The following DIAPH3 variants were observed in gnomAD, a reference collection of about 807,000 sequenced individuals.
DIAPH3 encodes the protein diaphanous related formin 3, also known as protein diaphanous homolog 3.
In DIAPH3, 117 loss-of-function variants were observed where a neutral mutation model predicts 144.3. The ratio of observed to expected loss-of-function variants is 0.81; its 90% CI spans 0.70 to 0.95. The LOEUF (loss-of-function observed/expected upper bound fraction) is 0.95. Among genes scored for constraint, DIAPH3 ranks in the 40% least tolerant of loss-of-function variants. The pLI, the probability that DIAPH3 is intolerant of heterozygous loss-of-function variation, is 0.00. For missense variants in DIAPH3, 1,421 were observed against 1,412.7 expected, an observed-to-expected ratio of 1.01 and a Z score of -0.09; for synonymous variants, 519 against 488.9, an observed-to-expected ratio of 1.06 and a Z score of -0.81.
intron 27 of DIAPH3, among the ~76,000 whole-genome samples, chr13:59,671,736 A>G (rs1024790415): frequency 1.3e-5 from 2 of 152,238 alleles, no homozygotes; most frequent in African/African-American, 2.4e-5. Flanking sequence ...ACTCATTTCA[A>G]TTTAATTCTT....
chr13:60,155,534 T>A (rs1416051566), intron 1 of DIAPH3, among the ~76,000 whole-genome samples: 1 of 152,214 alleles, frequency 6.6e-6, no homozygotes. Context: ...TCAGAGCAAT[T>A]TCTTAGAACA....
chr13:59,960,076 A>C (rs1442403859), intron 17 of DIAPH3, among the ~76,000 whole-genome samples: 1 of 152,134 alleles, frequency 6.6e-6, no homozygotes, highest in Non-Finnish European at 1.5e-5. Flanking sequence ...ATTTATATAC[A>C]CTAATACAGA....
chr13:60,093,401 T>C (rs1468287953), intron 4 of DIAPH3, among the ~76,000 whole-genome samples: 1 of 152,164 alleles, frequency 6.6e-6, no homozygotes, highest in Non-Finnish European at 1.5e-5. Flanking sequence ...CCTCCCAGTG[T>C]TTCTTAGCAA....
chr13:59,784,847 G>A (rs532632676), intron 25 of DIAPH3, among the ~76,000 whole-genome samples: 6 of 150,810 alleles, frequency 4.0e-5, no homozygotes, highest in South Asian at 2.1e-4. Context: ...AACCACACAC[G>A]CGCGCACACA....
intron 27 of DIAPH3, among the ~76,000 whole-genome samples, chr13:59,720,804 T>A: frequency 6.6e-6 from 1 of 152,198 alleles, no homozygotes; most frequent in East Asian, 1.9e-4. Flanking sequence ...TGTAAGCTAG[T>A]AAGCAAACAT....
intron 2 of DIAPH3, among the ~76,000 whole-genome samples, chr13:60,129,432 A>ACC (rs2059080078): frequency 6.6e-6 from 1 of 152,230 alleles, no homozygotes; most frequent in Admixed American, 6.5e-5. Flanking sequence ...ACCCAACAAT[A>ACC]TAGCAATCCT....
chr13:59,840,474 T>A (rs960614914), intron 22 of DIAPH3, among the ~76,000 whole-genome samples: 25 of 152,082 alleles, frequency 1.6e-4, no homozygotes, highest in African/African-American at 5.8e-4. Flanking sequence ...GTTTTTTTTT[T>A]AATTTTAGCT....
At chr13:60,009,208 T>A (rs2053083692) in intron 8 of DIAPH3, among the ~76,000 whole-genome samples, 1 of 152,096 alleles carries the variant, frequency 6.6e-6, no homozygotes, top group Non-Finnish European at 1.5e-5. Context: ...AATATAATAA[T>A]TATGCAAAAA....
intron 25 of DIAPH3, among the ~76,000 whole-genome samples, chr13:59,785,969 A>C (rs554751180): frequency 1.8e-4 from 27 of 152,248 alleles, no homozygotes; most frequent in African/African-American, 6.3e-4. Flanking sequence ...CATCCATCTT[A>C]TACTTAGGAG....
chr13:59,684,970 A>G (rs534750330), intron 27 of DIAPH3, among the ~76,000 whole-genome samples: 41 of 152,110 alleles, frequency 2.7e-4, no homozygotes, highest in Non-Finnish European at 5.0e-4. Context: ...TCCTATGAGA[A>G]TGGCAGCTGT....
At chr13:59,710,181 C>T (rs1404364408) in intron 27 of DIAPH3, among the ~76,000 whole-genome samples, 4 of 150,566 alleles carry the variant, frequency 2.7e-5, no homozygotes, top group Non-Finnish European at 5.9e-5. Context: ...ACCAGCATGG[C>T]ACATGTATAC....
chr13:59,761,705 GT>G (rs1401676113), intron 27 of DIAPH3, among the ~76,000 whole-genome samples: 2 of 152,126 alleles, frequency 1.3e-5, no homozygotes, highest in Non-Finnish European at 2.9e-5. Context: ...GAGCATTTTA[GT>G]TTCTGGATCA....
rs1359676708 is a variant in DIAPH3 at position 59,917,051 on chromosome 13, T to C, written c.2171-802A>G. 9.2e-5 allele frequency among the ~76,000 whole-genome samples: 14 copies of C among 152,334 alleles called. No individual in the cohort carries two copies. The East Asian group carries it at 1.9e-3, about 21-fold the overall frequency. On this transcript the variant is annotated intron_variant, in intron 18 of 27. Coordinates refer to ENST00000400324, the MANE Select transcript of DIAPH3 (RefSeq NM_001042517.2). ...TATGTTTTTACATTCAAGATGTCACTTCTTAACCATACTCAGCACCTGCAA... is the reference window on the plus strand; with the variant it reads ...TATGTTTTTACATTCAAGATGTCACCTCTTAACCATACTCAGCACCTGCAA...
chr13:59,670,038 G>C (rs1011753643), intron 27 of DIAPH3, among the ~76,000 whole-genome samples: 2 of 152,146 alleles, frequency 1.3e-5, no homozygotes, highest in Non-Finnish European at 2.9e-5. Flanking sequence ...TTCTTTTAGC[G>C]TTTGGTCTTT....
chr13:59,832,961 T>A (rs1339740859), intron 24 of DIAPH3, 146 bp downstream of exon 24: 4 of 713,764 alleles, frequency 5.6e-6, no homozygotes, highest in South Asian at 3.2e-5. Context: ...CATTTTTCAA[T>A]AGATTTTTAA....
At chr13:59,944,334 G>A (rs193222367) in intron 17 of DIAPH3, among the ~76,000 whole-genome samples, 74 of 152,168 alleles carry the variant, frequency 4.9e-4, no homozygotes, top group Admixed American at 1.1e-3. Context: ...GATTAACAGG[G>A]GACAAAACTG....
intron 17 of DIAPH3, among the ~76,000 whole-genome samples, chr13:59,941,430 A>G (rs1336554975): frequency 6.6e-6 from 1 of 152,074 alleles, no homozygotes; most frequent in Non-Finnish European, 1.5e-5. Flanking sequence ...GCTGAAGGAG[A>G]GCCACCTGGG....
intron 27 of DIAPH3, among the ~76,000 whole-genome samples, chr13:59,710,288 AAAAAG>A (rs1435238198): frequency 4.6e-4 from 70 of 151,892 alleles, no homozygotes; most frequent in African/African-American, 6.0e-4. Context: ...TGGAAAAAAA[AAAAAG>A]AAAAGTGCTA....
rs2034958314 is a variant in DIAPH3, at chr13:59,714,654, C to T, written c.3320-47808G>A. 2.0e-5 allele frequency among the ~76,000 whole-genome samples: 3 copies of T among 152,048 alleles called. No individual in the cohort carries two copies. The South Asian group carries it at 6.2e-4, about 32-fold the overall frequency. The stretch of plus-strand genomic sequence containing the variant: ...TAAGATGCCACATCCTCAACTTTAC[C>T]TTCACAATGCTTCTTCCATCCATCC... On this transcript the variant is annotated intron_variant, in intron 27 of 27. Coordinates refer to ENST00000400324, the MANE Select transcript of DIAPH3 (RefSeq NM_001042517.2).
Sources: gnomAD v4.1 joint callset for allele counts (sites outside exome capture counted in the v4.1 genomes callset) on GRCh38, gnomAD v4.1.1 for gene constraint, MANE v1.5 for transcripts, NCBI Gene and HGNC (gene_info 2026-07-23, HGNC 2026-07-21) for gene names.